Variants in THAP4 observed in about 807,000 individuals in gnomAD.
THAP4 encodes the protein peroxynitrite isomerase THAP4.
A neutral mutation model predicts 48.1 loss-of-function variants in THAP4; 18 were observed. That is an observed-to-expected ratio of 0.37 (90% CI 0.26 to 0.56). THAP4 has a LOEUF of 0.56. Among genes scored for constraint, THAP4 ranks in the 20% least tolerant of loss-of-function variants. The probability of loss-of-function intolerance (pLI) is 0.78; values close to 1 mark genes in which losing one functional copy is unlikely to be tolerated. For missense variants in THAP4, 656 were observed against 774.9 expected (o/e 0.85, Z 1.82); for synonymous variants, 345 against 324.9 (o/e 1.06, Z -0.66).
chr2:241,619,749 A>AGTGAGGG (rs2067390325), intron 2 of THAP4, among the ~76,000 whole-genome samples: 1 of 111,234 alleles, frequency 9.0e-6, no homozygotes, highest in African/African-American at 3.6e-5. Context: ...GTGAGGGGTG[A>AGTGAGGG]GTGAGTTGGT....
At chr2:241,634,941 A>C (rs1219752237) in intron 1 of THAP4, among the ~76,000 whole-genome samples, 1 of 152,280 alleles carries the variant, frequency 6.6e-6, no homozygotes, top group African/African-American at 2.4e-5. Flanking sequence ...TACTCAGAGT[A>C]ATCAAATTCA....
intron 5 of THAP4, among the ~76,000 whole-genome samples, chr2:241,598,760 CTT>C (rs1350084391): frequency 3.9e-5 from 6 of 152,054 alleles, no homozygotes; most frequent in Admixed American, 1.3e-4. Context: ...GCATTAACAG[CTT>C]CAAGAGGAAG....
At chr2:241,629,799 G>A (rs1156741033) in intron 2 of THAP4, among the ~76,000 whole-genome samples, 1 of 151,474 alleles carries the variant, frequency 6.6e-6, no homozygotes, top group African/African-American at 2.4e-5. Context: ...GGACATACAA[G>A]CAGAAACGGG....
At chr2:241,629,348 G>A (rs535964331) in intron 2 of THAP4, among the ~76,000 whole-genome samples, 2 of 152,050 alleles carry the variant, frequency 1.3e-5, no homozygotes, top group Admixed American at 1.3e-4. Flanking sequence ...GTATGTGCCT[G>A]TAGTCCCAGC....
At chr2:241,589,528 T>A (rs2066931919) in intron 5 of THAP4, among the ~76,000 whole-genome samples, 1 of 152,012 alleles carries the variant, frequency 6.6e-6, no homozygotes, top group Non-Finnish European at 1.5e-5. Context: ...CAAATTAACA[T>A]CACAATAAAA....
intron 5 of THAP4, among the ~76,000 whole-genome samples, chr2:241,588,282 A>G (rs1043033864): frequency 2.0e-5 from 3 of 152,240 alleles, no homozygotes; most frequent in Non-Finnish European, 2.9e-5. Context: ...AAGAAAATAT[A>G]GGATGAGACT....
chr2:241,631,334 G>C (rs1262838396), intron 2 of THAP4, among the ~76,000 whole-genome samples: 2 of 152,124 alleles, frequency 1.3e-5, no homozygotes, highest in Non-Finnish European at 2.9e-5. Flanking sequence ...TAGGAATATG[G>C]TTTTCCTATG....
At chr2:241,636,564 G>C (rs1262475515) in intron 1 of THAP4, among the ~76,000 whole-genome samples, 3 of 152,254 alleles carry the variant, frequency 2.0e-5, no homozygotes, top group Non-Finnish European at 4.4e-5. Context: ...GGTCGCGTCT[G>C]CCCGGTCGCT....
chr2:241,629,588 T>C (rs2067533471), intron 2 of THAP4, among the ~76,000 whole-genome samples: 1 of 151,688 alleles, frequency 6.6e-6, no homozygotes, highest in Non-Finnish European at 1.5e-5. Flanking sequence ...TTATCAGTAA[T>C]CACAATTGTA....
chr2:241,586,736 CA>C (rs1163556667), intron 5 of THAP4, among the ~76,000 whole-genome samples: 1 of 151,944 alleles, frequency 6.6e-6, no homozygotes, highest in African/African-American at 2.4e-5. Flanking sequence ...ATGAAATAGA[CA>C]AATTAGACAC....
chr2:241,603,139 C>A, intron 3 of THAP4, 60 bp from the exon 4 acceptor site: 1 of 1,392,110 alleles, frequency 7.2e-7, no homozygotes, highest in Non-Finnish European at 1.0e-6. Context: ...GCGTGGGCTG[C>A]GTGGATGCCA....
chr2:241,605,208 G>A (rs1480159088), intron 3 of THAP4, among the ~76,000 whole-genome samples: 1 of 152,090 alleles, frequency 6.6e-6, no homozygotes, highest in Non-Finnish European at 1.5e-5. Context: ...AAAAAGGTAG[G>A]AGATATTTTT....
At chr2:241,624,492 A>G (rs2067472769) in intron 2 of THAP4, among the ~76,000 whole-genome samples, 1 of 152,072 alleles carries the variant, frequency 6.6e-6, no homozygotes, top group Admixed American at 6.6e-5. Flanking sequence ...TCTCAAAAAA[A>G]AAAAAAAGAT....
chr2:241,614,332 A>G (rs1575030672), intron 2 of THAP4, among the ~76,000 whole-genome samples: 1 of 152,168 alleles, frequency 6.6e-6, no homozygotes, highest in East Asian at 1.9e-4. Flanking sequence ...AAATGCATGG[A>G]ACTAGACAAA....
rs1305113086 is a variant in THAP4, at chr2:241,629,346, CT to C, written c.1240+3570del. Among the ~76,000 whole-genome samples, 3 of 151,908 alleles carry C rather than the reference CT, an allele frequency of 2.0e-5. No individual in the cohort carries two copies. In the East Asian group the frequency reaches 5.8e-4, roughly 29 times the overall value. The stretch of plus-strand genomic sequence containing the variant: ...ATTAGCCGGATGTGGTGGTATGTGC[CT>C]GTAGTCCCAGCTACTCGAGAGGCTG... On this transcript the variant is annotated intron_variant, in intron 2 of 5. Coordinates refer to ENST00000407315, the MANE Select transcript of THAP4 (RefSeq NM_015963.6).
intron 2 of THAP4, among the ~76,000 whole-genome samples, chr2:241,625,535 G>A (rs2067485824): frequency 6.7e-6 from 1 of 149,446 alleles, no homozygotes; most frequent in Non-Finnish European, 1.5e-5. Flanking sequence ...TGTGGATCAC[G>A]CCTGTAATCC....
intron 5 of THAP4, among the ~76,000 whole-genome samples, chr2:241,595,103 C>T (rs2067032166): frequency 2.0e-5 from 3 of 152,022 alleles, no homozygotes; most frequent in African/African-American, 7.2e-5. Context: ...ACCTCTGCCT[C>T]CCAGGTTCAA....
chr2:241,632,404 C>A (rs1276545895), intron 2 of THAP4, among the ~76,000 whole-genome samples: 1 of 152,028 alleles, frequency 6.6e-6, no homozygotes, highest in Non-Finnish European at 1.5e-5. Context: ...CCAGCCTCAA[C>A]AGATGTTTTA....
At position 241,633,252 on chromosome 2, in the gene THAP4, G is replaced by C; in HGVS notation, c.905C>G (p.Ala302Gly). Residue 302 changes from alanine to glycine, a missense_variant, in exon 2 of 6, where the codon GCC becomes GGC. Around this residue, in one of 4 missense-constraint regions of THAP4, gnomAD observed 391 missense variants for 412.4 expected, o/e 0.95. Coordinates refer to ENST00000407315, the MANE Select transcript of THAP4 (RefSeq NM_015963.6). The surrounding 1 kb of genome is among the most constrained non-coding windows in gnomAD (Gnocchi z 7.5). Reference sequence around the variant, plus strand: ...CTTTGGGGTGACGTCGGCAGGAGGGGCAGAGGGGCTCTGGGAAGGCTTCTG... The same window carrying C: ...CTTTGGGGTGACGTCGGCAGGAGGGCCAGAGGGGCTCTGGGAAGGCTTCTG... ...TPQKPSQSPS[A>G]PPADVTPKPA... The C allele has an allele frequency of 6.2e-7, 1 of 1,610,778 alleles. No homozygotes were observed. Among genetic ancestry groups the C allele is most frequent in the African/African-American group, 1.3e-5 (1 of 75,010 alleles).
Sources: allele counts gnomAD v4.1 joint callset (sites outside exome capture counted in the v4.1 genomes callset), GRCh38; gene constraint gnomAD v4.1.1; regional missense constraint gnomAD v4.1.1; non-coding constraint Gnocchi (gnomAD v3.1); transcripts MANE v1.5; gene names NCBI Gene and HGNC (gene_info 2026-07-23, HGNC 2026-07-21).